ZNF236: variants seen among roughly 807,000 people sequenced by gnomAD.
ZNF236 encodes the protein regulated by glucose.
Under a neutral mutation model 191.2 loss-of-function variants are expected in ZNF236, and 50 were observed. That is an observed-to-expected ratio of 0.26 (90% confidence interval 0.21 to 0.33). ZNF236 has a LOEUF of 0.33. ZNF236 is among the 10% of genes least tolerant of loss of function. The probability of loss-of-function intolerance (pLI) is 1.00; values close to 1 mark genes in which losing one functional copy is unlikely to be tolerated. For synonymous variants in ZNF236, 907 were observed against 928.8 expected (o/e 0.98, Z 0.43); for missense variants, 1,754 against 2,374.5 (o/e 0.74, Z 5.43).
rs139543467 is a variant in ZNF236, at chr18:76,925,131, G to T, written c.3662-58G>T. On this transcript the variant is annotated intron_variant, in intron 21 of 30. Coordinates refer to ENST00000320610, the MANE Select transcript of ZNF236 (RefSeq NM_001306089.2). This position sits in a 1 kb window ranked among gnomAD's most constrained non-coding sequence, Gnocchi z 5.7. ...ATCCATAGTGACAGCTGAGTGGGGTGGGGGTGAGTGTCGCGACTGCCATCG... is the reference window on the plus strand; with the variant it reads ...ATCCATAGTGACAGCTGAGTGGGGTTGGGGTGAGTGTCGCGACTGCCATCG... 3.1e-4 allele frequency: 491 copies of T among 1,575,166 alleles called. No individual in the cohort carries two copies. Among genetic ancestry groups the T allele is most frequent in the Non-Finnish European group, 3.8e-4 (446 of 1,160,130 alleles).
chr18:76,835,963 A>G lies in ZNF236; in HGVS notation c.55+13301A>G, dbSNP rs116591621. Among the ~76,000 whole-genome samples, 356 of 151,928 alleles carry G rather than the reference A, an allele frequency of 2.3e-3. 1 individual carries two copies. The highest frequency in any genetic ancestry group is 8.0e-3 in the African/African-American group (330 of 41,432). On this transcript the variant is annotated intron_variant, in intron 1 of 30. Coordinates refer to ENST00000320610, the MANE Select transcript of ZNF236 (RefSeq NM_001306089.2). ...TGCTCTGTTGCCTAGACTGGAGTGC[A>G]TTGGCACAATCTTGGCCCACTGCAA... is the stretch of plus-strand genomic sequence containing the variant.
chr18:76,892,127 T>C (rs1977255981), intron 9 of ZNF236, among the ~76,000 whole-genome samples: 1 of 143,230 alleles, frequency 7.0e-6, no homozygotes, highest in Non-Finnish European at 1.6e-5. Flanking sequence ...TTTCCATTAA[T>C]TTATCTTTTT....
intron 21 of ZNF236, 118 bp downstream of exon 21, chr18:76,923,292 G>T: frequency 1.5e-6 from 1 of 648,422 alleles, no homozygotes; most frequent in South Asian, 2.3e-5. Context: ...TTAAAAATGA[G>T]GCACCAAGAA....
chr18:76,924,383 A>G (rs935830461), intron 21 of ZNF236, among the ~76,000 whole-genome samples: 2 of 152,222 alleles, frequency 1.3e-5, no homozygotes, highest in Admixed American at 6.5e-5. Flanking sequence ...GTCTCTGGAT[A>G]AATACCTTTT....
intron 1 of ZNF236, among the ~76,000 whole-genome samples, chr18:76,832,581 T>TG (rs926287631): frequency 1.3e-5 from 2 of 152,144 alleles, no homozygotes; most frequent in Admixed American, 1.3e-4. Flanking sequence ...TGTTTTTTTT[T>TG]TTGTTGTTGT....
At chr18:76,824,531 C>T (rs1974962623) in intron 1 of ZNF236, 3 of 759,548 alleles carry the variant, frequency 3.9e-6, no homozygotes, top group South Asian at 2.8e-5. Flanking sequence ...GACCTTATTT[C>T]GTTAGTTTAA....
intron 13 of ZNF236, among the ~76,000 whole-genome samples, chr18:76,907,602 T>C (rs1977779471): frequency 6.6e-6 from 1 of 152,228 alleles, no homozygotes; most frequent in Non-Finnish European, 1.5e-5. Flanking sequence ...GTGCTGGGAT[T>C]ACAGGTGTGA....
Position 76,895,116 on chromosome 18 carries a change from C to T in ZNF236, c.1521C>T (p.Thr507=), listed in dbSNP as rs1291870495. The change falls in exon 10 of 31, where the codon ACC becomes ACT. Residue 507 remains threonine (T), a synonymous_variant. Coordinates refer to ENST00000320610, the MANE Select transcript of ZNF236 (RefSeq NM_001306089.2). ...SDLVRHIRIH[T]HEKPFKCPQC... ...TGGTCCGCCACATCCGCATCCACAC[C>T]CACGAGAAGCCCTTCAAGTGCCCGC... The T allele has an allele frequency of 6.2e-7, 1 of 1,611,642 alleles. No individual in the cohort carries two copies. The highest frequency in any genetic ancestry group is 8.5e-7 in the Non-Finnish European group (1 of 1,180,008).
At chr18:76,874,113 T>C (rs934715096) in intron 5 of ZNF236, among the ~76,000 whole-genome samples, 3 of 151,864 alleles carry the variant, frequency 2.0e-5, no homozygotes, top group Non-Finnish European at 2.9e-5. Context: ...TCCTCTCCTG[T>C]CCCCATGCAG....
At chr18:76,893,223 C>A (rs1460323842) in intron 9 of ZNF236, among the ~76,000 whole-genome samples, 1 of 152,160 alleles carries the variant, frequency 6.6e-6, no homozygotes, top group Non-Finnish European at 1.5e-5. Context: ...GTCTCTCATA[C>A]CCTTTTTATA....
chr18:76,895,727 C>T (rs768525042), intron 10 of ZNF236, among the ~76,000 whole-genome samples: 1 of 151,326 alleles, frequency 6.6e-6, no homozygotes, highest in Non-Finnish European at 1.5e-5. Flanking sequence ...CGGGTATGGC[C>T]CACAGTGCTG....
At chr18:76,823,270 T>G (rs965192347) in intron 1 of ZNF236, among the ~76,000 whole-genome samples, 1 of 150,658 alleles carries the variant, frequency 6.6e-6, no homozygotes, top group Non-Finnish European at 1.5e-5. Flanking sequence ...TCCAGTGTTA[T>G]CTGGGGCGCG....
chr18:76,925,649 C>A lies in ZNF236; in HGVS notation c.4027+95C>A. ...CCACGACAGAAGAGATGTTGTTTAC[C>A]GTAGCACCACGTTTCCCTTCTTTGA... On this transcript the variant is annotated intron_variant, in intron 22 of 30. Coordinates refer to ENST00000320610, the MANE Select transcript of ZNF236 (RefSeq NM_001306089.2). The surrounding 1 kb of genome is among the most constrained non-coding windows in gnomAD (Gnocchi z 5.7). The A allele has an allele frequency of 1.4e-6, 2 of 1,453,446 alleles. No homozygotes were observed. The highest frequency in any genetic ancestry group is 9.1e-7 in the Non-Finnish European group (1 of 1,096,584). The allele number at this position is 1,453,446 out of a possible 1,614,324, so 90.0% of individuals were successfully genotyped here. A position where few individuals can be genotyped will look rare whatever the true frequency, so the allele number is the denominator to read the frequency against.
chr18:76,864,531 G>A (rs958415728), intron 3 of ZNF236, among the ~76,000 whole-genome samples: 4 of 151,820 alleles, frequency 2.6e-5, no homozygotes, highest in South Asian at 4.2e-4. Flanking sequence ...ACACACACAC[G>A]CACATGTGTT....
chr18:76,900,180 A>G (rs1330072942), intron 11 of ZNF236, among the ~76,000 whole-genome samples: 2 of 152,216 alleles, frequency 1.3e-5, no homozygotes, highest in Admixed American at 6.5e-5. Context: ...ATTTACAATA[A>G]TTGTAAATTA....
At chr18:76,838,657 C>G (rs1228682754) in intron 1 of ZNF236, among the ~76,000 whole-genome samples, 1 of 152,190 alleles carries the variant, frequency 6.6e-6, no homozygotes, top group Non-Finnish European at 1.5e-5. Flanking sequence ...GCCACAGTTA[C>G]TTGACCCCCA....
intron 6 of ZNF236, among the ~76,000 whole-genome samples, chr18:76,876,871 A>G (rs1027266305): frequency 6.6e-6 from 1 of 152,130 alleles, no homozygotes; most frequent in African/African-American, 2.4e-5. Context: ...AACTCCCCCT[A>G]TGCTAAAGGG....
chr18:76,965,035 C>T (rs1968739908), intron 30 of ZNF236, among the ~76,000 whole-genome samples: 1 of 152,110 alleles, frequency 6.6e-6, no homozygotes, highest in Non-Finnish European at 1.5e-5. Context: ...TAGGTTTGGT[C>T]GTTTAACATA....
chr18:76,864,226 GTC>G (rs1976332251), intron 3 of ZNF236, among the ~76,000 whole-genome samples: 1 of 142,260 alleles, frequency 7.0e-6, no homozygotes, highest in South Asian at 2.2e-4. Context: ...TTAAGACAGA[GTC>G]TCACTTTGTT....
Sources: allele counts gnomAD v4.1 joint callset (sites outside exome capture counted in the v4.1 genomes callset), GRCh38; gene constraint gnomAD v4.1.1; non-coding constraint Gnocchi (gnomAD v3.1); transcripts MANE v1.5; gene names NCBI Gene and HGNC (gene_info 2026-07-23, HGNC 2026-07-21).